STK32B: variants seen among roughly 807,000 people sequenced by gnomAD.
STK32B encodes the protein serine/threonine-protein kinase 32B.
STK32B carries 43 observed loss-of-function variants against 52.6 expected under a neutral mutation model. That is an observed-to-expected ratio of 0.82 (90% confidence interval 0.64 to 1.05). The LOEUF is 1.05. Ranked by LOEUF, STK32B falls within the 50% of genes least tolerant of loss-of-function variation. STK32B has a pLI of 0.00. For missense variants in STK32B, 621 were observed against 534.6 expected, an observed-to-expected ratio of 1.16 and a Z score of -1.59; for synonymous variants, 238 against 204.3, an observed-to-expected ratio of 1.17 and a Z score of -1.41.
chr4:5,318,755 G>A (rs1731285697), intron 3 of STK32B, among the ~76,000 whole-genome samples: 1 of 152,150 alleles, frequency 6.6e-6, no homozygotes, highest in African/African-American at 2.4e-5. Context: ...GAAGGATGCA[G>A]TGGGCTGGAT....
At chr4:5,162,150 C>CCTCT (rs796067308) in intron 2 of STK32B, among the ~76,000 whole-genome samples, 26 of 152,300 alleles carry the variant, frequency 1.7e-4, no homozygotes, top group African/African-American at 5.3e-4. Flanking sequence ...ACAGCTCTAG[C>CCTCT]CTCTCTGTTC....
At chr4:5,232,536 C>T (rs1457600117) in intron 3 of STK32B, among the ~76,000 whole-genome samples, 1 of 152,178 alleles carries the variant, frequency 6.6e-6, no homozygotes. Flanking sequence ...TGAATTCTGT[C>T]TAGATACCTA....
chr4:5,312,896 C>T (rs1730401943), intron 3 of STK32B, among the ~76,000 whole-genome samples: 1 of 152,048 alleles, frequency 6.6e-6, no homozygotes, highest in African/African-American at 2.4e-5. Flanking sequence ...AACTAGTTTA[C>T]AGTCCCACCA....
At chr4:5,363,774 T>A (rs534646872) in intron 4 of STK32B, among the ~76,000 whole-genome samples, 1 of 152,184 alleles carries the variant, frequency 6.6e-6, no homozygotes, top group Non-Finnish European at 1.5e-5. Flanking sequence ...TCCTCTTACC[T>A]ATGGGGGTTC....
intron 3 of STK32B, among the ~76,000 whole-genome samples, chr4:5,297,263 G>A (rs1729263698): frequency 6.6e-6 from 1 of 152,088 alleles, no homozygotes; most frequent in African/African-American, 2.4e-5. Context: ...TCTTTGGGTT[G>A]CTCTTCTCAA....
At chr4:5,252,930 C>A (rs1055348166) in intron 3 of STK32B, among the ~76,000 whole-genome samples, 11 of 152,040 alleles carry the variant, frequency 7.2e-5, no homozygotes, top group Admixed American at 5.9e-4. Context: ...TTGTTGTAAC[C>A]CGCTCACTGT....
intron 3 of STK32B, among the ~76,000 whole-genome samples, chr4:5,209,731 A>T (rs1722793214): frequency 6.6e-6 from 1 of 152,302 alleles, no homozygotes; most frequent in African/African-American, 2.4e-5. Context: ...CCTCATGAAC[A>T]TTATCTCACC....
intron 11 of STK32B, among the ~76,000 whole-genome samples, chr4:5,478,525 A>G (rs1232657052): frequency 6.6e-6 from 1 of 152,162 alleles, no homozygotes; most frequent in Admixed American, 6.5e-5. Context: ...CTACAAGGTA[A>G]TCTCCCAATA....
At chr4:5,376,905 C>G (rs1310854533) in intron 4 of STK32B, among the ~76,000 whole-genome samples, 2 of 152,174 alleles carry the variant, frequency 1.3e-5, no homozygotes, top group East Asian at 3.9e-4. Context: ...CCCACCTGCT[C>G]TCCTGTTTGA....
At chr4:5,147,193 G>A (rs1716979820) in intron 2 of STK32B, among the ~76,000 whole-genome samples, 1 of 151,854 alleles carries the variant, frequency 6.6e-6, no homozygotes, top group Non-Finnish European at 1.5e-5. Flanking sequence ...GGGGACAGGG[G>A]GAAGACACTA....
chr4:5,229,176 AT>A (rs919863254), intron 3 of STK32B, among the ~76,000 whole-genome samples: 1 of 152,014 alleles, frequency 6.6e-6, no homozygotes, highest in African/African-American at 2.4e-5. Flanking sequence ...TAAAAAAAAA[AT>A]GCAATATCTG....
the STK32B span, among the ~76,000 whole-genome samples, chr4:5,040,915 A>G: frequency 1.3e-5 from 2 of 152,212 alleles, no homozygotes; most frequent in Non-Finnish European, 2.9e-5. Context: ...ACACATTGGC[A>G]AGTATTTGTG....
intron 3 of STK32B, among the ~76,000 whole-genome samples, chr4:5,198,558 T>A (rs746249239): frequency 6.6e-6 from 1 of 151,772 alleles, no homozygotes; most frequent in Non-Finnish European, 1.5e-5. Context: ...TCTGGGGGAG[T>A]TGGTCTGTCT....
intron 3 of STK32B, among the ~76,000 whole-genome samples, chr4:5,175,419 C>G (rs1719780062): frequency 6.6e-6 from 1 of 152,154 alleles, no homozygotes; most frequent in Non-Finnish European, 1.5e-5. Flanking sequence ...CTGTTTTTTC[C>G]TCATCTTTTT....
chr4:5,163,650 C>T (rs934139022), intron 2 of STK32B, among the ~76,000 whole-genome samples: 3 of 151,724 alleles, frequency 2.0e-5, no homozygotes, highest in African/African-American at 7.3e-5. Context: ...CAAACATTTT[C>T]TGAAGGCAAA....
In STK32B at chr4:5,460,283, G is replaced by C; in HGVS notation, c.909+55G>C. Reference sequence around the variant, plus strand: ...CACCCCTCTGCAGGGTCCCCGCCTTGGTGCAAAGCAAGACTTTGGCAGCTG... The same window carrying C: ...CACCCCTCTGCAGGGTCCCCGCCTTCGTGCAAAGCAAGACTTTGGCAGCTG... On this transcript the variant is annotated intron_variant, in intron 9 of 11. Coordinates refer to ENST00000282908, the MANE Select transcript of STK32B (RefSeq NM_018401.3). The surrounding 1 kb of genome is among the most constrained non-coding windows in gnomAD (Gnocchi z 4.8). 1 of 1,557,624 alleles carries C rather than the reference G, an allele frequency of 6.4e-7. No individual in the cohort carries two copies. Among genetic ancestry groups the C allele is most frequent in the East Asian group, 2.3e-5 (1 of 44,208 alleles).
At chr4:5,124,083 G>A (rs1715218863) in intron 1 of STK32B, among the ~76,000 whole-genome samples, 1 of 152,112 alleles carries the variant, frequency 6.6e-6, no homozygotes, top group South Asian at 2.1e-4. Context: ...CAAAAAGTAG[G>A]TCTCTCATGC....
chr4:5,281,577 T>C (rs1181798326), intron 3 of STK32B, among the ~76,000 whole-genome samples: 1 of 152,158 alleles, frequency 6.6e-6, no homozygotes, highest in African/African-American at 2.4e-5. Flanking sequence ...CTGCGTGTTC[T>C]GTACATGTAT....
intron 1 of STK32B, among the ~76,000 whole-genome samples, chr4:5,081,708 A>G (rs748522144): frequency 6.6e-6 from 1 of 151,862 alleles, no homozygotes; most frequent in Non-Finnish European, 1.5e-5. Context: ...CATATTCTTC[A>G]GTTTCAGAAT....
Sources: allele counts gnomAD v4.1 joint callset (sites outside exome capture counted in the v4.1 genomes callset), GRCh38; gene constraint gnomAD v4.1.1; non-coding constraint Gnocchi (gnomAD v3.1); transcripts MANE v1.5; gene names NCBI Gene and HGNC (gene_info 2026-07-23, HGNC 2026-07-21).